PDE3A: variants seen among roughly 807,000 people sequenced by gnomAD.
PDE3A encodes cGMP-inhibited 3',5'-cyclic phosphodiesterase 3A.
In PDE3A, 43 loss-of-function variants were observed where a neutral mutation model predicts 98.3. The ratio of observed to expected loss-of-function variants is 0.44; its 90% CI spans 0.34 to 0.56. PDE3A has a LOEUF of 0.56. Ranked by LOEUF, PDE3A falls within the 20% of genes least tolerant of loss-of-function variation. PDE3A has a pLI of 0.01. For missense variants in PDE3A, 1,427 were observed against 1,440.7 expected (o/e 0.99, Z 0.15); for synonymous variants, 663 against 567.9 (o/e 1.17, Z -2.38).
At chr12:20,473,828 C>T (rs994227038) in intron 1 of PDE3A, among the ~76,000 whole-genome samples, 12 of 151,824 alleles carry the variant, frequency 7.9e-5, no homozygotes, top group African/African-American at 2.9e-4. Flanking sequence ...CATTCATTTT[C>T]CCACTATATA....
chr12:20,575,654 T>G (rs1942912023), intron 2 of PDE3A, among the ~76,000 whole-genome samples: 1 of 151,990 alleles, frequency 6.6e-6, no homozygotes, highest in South Asian at 2.1e-4. Context: ...TCTACAGACT[T>G]TCATCCAAGT....
At chr12:20,434,728 C>T (rs968860353) in intron 1 of PDE3A, among the ~76,000 whole-genome samples, 1 of 152,154 alleles carries the variant, frequency 6.6e-6, no homozygotes, top group Admixed American at 6.5e-5. Flanking sequence ...TAAATTCCCA[C>T]AATATCATGA....
chr12:20,576,425 A>G (rs978545071), intron 2 of PDE3A, among the ~76,000 whole-genome samples: 1 of 152,134 alleles, frequency 6.6e-6, no homozygotes, highest in African/African-American at 2.4e-5. Context: ...TTGGCAGGAA[A>G]TAGCAAAATT....
intron 2 of PDE3A, among the ~76,000 whole-genome samples, chr12:20,577,388 A>C (rs558860163): frequency 6.6e-6 from 1 of 152,208 alleles, no homozygotes; most frequent in Non-Finnish European, 1.5e-5. Context: ...CCCGGTAGAT[A>C]ATAAAGAACA....
At chr12:20,600,592 A>G (rs1248888803) in intron 2 of PDE3A, among the ~76,000 whole-genome samples, 2 of 152,180 alleles carry the variant, frequency 1.3e-5, no homozygotes, top group African/African-American at 4.8e-5. Flanking sequence ...TTCCTTTTCC[A>G]GAAAACACAC....
At chr12:20,400,206 C>T (rs1403112348) in intron 1 of PDE3A, among the ~76,000 whole-genome samples, 1 of 151,874 alleles carries the variant, frequency 6.6e-6, no homozygotes, top group African/African-American at 2.4e-5. Flanking sequence ...TCCGACTGAG[C>T]TCTATTTTTA....
intron 7 of PDE3A, 40 bp from the exon 8 acceptor site, chr12:20,634,862 A>G (rs1391681504): frequency 1.3e-6 from 2 of 1,518,152 alleles, no homozygotes; most frequent in Admixed American, 1.7e-5. Context: ...CCCTTTCCCC[A>G]TTGTAGATCT....
intron 1 of PDE3A, among the ~76,000 whole-genome samples, chr12:20,535,716 G>A (rs1565580792): frequency 1.3e-5 from 2 of 151,990 alleles, no homozygotes; most frequent in East Asian, 1.9e-4. Flanking sequence ...TACTGTCTTC[G>A]TTGTACAGGC....
chr12:20,465,885 T>A lies in PDE3A; in HGVS notation c.961-90775T>A, dbSNP rs988935794. On this transcript the variant is annotated intron_variant, in intron 1 of 15. Transcript: ENST00000359062. ...AATATTCCAGAACAGGGAAGTGTTA[T>A]AAATAATACCAACTTGTGCCAAAAA... is the stretch of plus-strand genomic sequence containing the variant. Among the ~76,000 whole-genome samples, 5 of 152,192 alleles carry A rather than the reference T, an allele frequency of 3.3e-5. No individual in the cohort carries two copies. The East Asian group carries it at 5.8e-4, about 18-fold the overall frequency.
intron 1 of PDE3A, among the ~76,000 whole-genome samples, chr12:20,384,728 A>G (rs1943720699): frequency 1.3e-5 from 2 of 151,558 alleles, no homozygotes; most frequent in South Asian, 2.1e-4. Flanking sequence ...TCCCCTCCCC[A>G]TGTCCATGTG....
intron 1 of PDE3A, 82 bp from the exon 2 acceptor site, chr12:20,556,578 C>A (rs1942373802): frequency 1.1e-6 from 1 of 892,886 alleles, no homozygotes; most frequent in Non-Finnish European, 1.8e-6. Flanking sequence ...TTGGAACAAC[C>A]TGATTATTCT....
intron 1 of PDE3A, among the ~76,000 whole-genome samples, chr12:20,398,297 CTTTTT>C (rs34700120): frequency 3.5e-5 from 5 of 140,928 alleles, no homozygotes; most frequent in African/African-American, 1.3e-4. Context: ...TCTTAGTTCA[CTTTTT>C]TTTTTTTTTG....
chr12:20,436,044 C>T (rs779352086), intron 1 of PDE3A, among the ~76,000 whole-genome samples: 1 of 152,078 alleles, frequency 6.6e-6, no homozygotes, highest in Non-Finnish European at 1.5e-5. Context: ...ATCCTTGTTA[C>T]TCAAAGTAAG....
At chr12:20,532,612 A>G (rs999681782) in intron 1 of PDE3A, among the ~76,000 whole-genome samples, 1 of 152,138 alleles carries the variant, frequency 6.6e-6, no homozygotes, top group Non-Finnish European at 1.5e-5. Flanking sequence ...GAATATTAGC[A>G]ATACTGACAA....
chr12:20,459,899 A>G (rs750086702), intron 1 of PDE3A, among the ~76,000 whole-genome samples: 13 of 152,172 alleles, frequency 8.5e-5, no homozygotes, highest in Non-Finnish European at 1.9e-4. Context: ...TCAGAAGGCT[A>G]TTACCACCCA....
chr12:20,560,583 T>C (rs1337844298), intron 2 of PDE3A, among the ~76,000 whole-genome samples: 4 of 152,272 alleles, frequency 2.6e-5, no homozygotes, highest in East Asian at 1.9e-4. Context: ...GGAAGAGCTT[T>C]GTTTTAAAAG....
chr12:20,654,124 G>T lies in PDE3A; in HGVS notation c.3103G>T (p.Asp1035Tyr). The T allele has an allele frequency of 6.2e-7, 1 of 1,614,038 alleles. No individual in the cohort carries two copies. The highest frequency in any genetic ancestry group is 1.1e-5 in the South Asian group (1 of 91,072). Residue 1035 changes from aspartate (D) to tyrosine (Y), a missense_variant, in exon 15 of 16, where the codon GAT (aspartate) becomes TAT (tyrosine). Asp to Tyr is a radical substitution (Grantham distance 160). This residue lies in a region of PDE3A where 142 missense variants were observed against 133.9 expected (regional missense o/e 1.06). Transcript: ENST00000359062. Reference protein sequence around the residue: ...KWVEDSDESGDTDDPEEEEEE... With the variant: ...KWVEDSDESGYTDDPEEEEEE... ...GGTGGAAGACAGCGATGAGTCAGGA[G>T]ATACTGATGACCCAGAAGAAGAGGA... is the stretch of plus-strand genomic sequence containing the variant.
intron 1 of PDE3A, chr12:20,449,587 C>T (rs374067165): frequency 3.1e-6 from 1 of 326,494 alleles, no homozygotes; most frequent in East Asian, 5.1e-5. Flanking sequence ...TATCTGAATG[C>T]ACTGCACGGG....
intron 1 of PDE3A, among the ~76,000 whole-genome samples, chr12:20,477,609 A>T (rs1170931308): frequency 1.3e-5 from 2 of 152,222 alleles, no homozygotes; most frequent in Non-Finnish European, 2.9e-5. Context: ...ATTTCTGCTA[A>T]AATCTTTTCC....
Sources: allele counts gnomAD v4.1 joint callset (sites outside exome capture counted in the v4.1 genomes callset), GRCh38; gene constraint gnomAD v4.1.1; regional missense constraint gnomAD v4.1.1; transcripts MANE v1.5; gene names NCBI Gene and HGNC (gene_info 2026-07-23, HGNC 2026-07-21).